Variants in AIG1 observed in about 807,000 individuals in gnomAD.
AIG1 encodes androgen induced 1.
AIG1 carries 23 observed loss-of-function variants against 31.4 expected under a neutral mutation model. That is an observed-to-expected ratio of 0.73 (90% confidence interval 0.53 to 1.04). The LOEUF (loss-of-function observed/expected upper bound fraction) is 1.04, where lower values mean the gene tolerates loss of function less well. AIG1 is among the 50% of genes least tolerant of loss of function. The probability of loss-of-function intolerance (pLI) is 0.00; values close to 1 mark genes in which losing one functional copy is unlikely to be tolerated. For synonymous variants in AIG1, 100 were observed against 110.5 expected (o/e 0.90, Z 0.60); for missense variants, 274 against 295.0 (o/e 0.93, Z 0.52).
chr6:143,301,213 C>T (rs1013907074), intron 4 of AIG1, among the ~76,000 whole-genome samples: 7 of 152,210 alleles, frequency 4.6e-5, no homozygotes, highest in African/African-American at 1.2e-4. Context: ...AATGCTGCCT[C>T]GGATTGCAAT....
intron 4 of AIG1, among the ~76,000 whole-genome samples, chr6:143,324,634 T>C (rs778494311): frequency 1.4e-4 from 22 of 152,174 alleles, no homozygotes; most frequent in Non-Finnish European, 2.4e-4. Flanking sequence ...TGTAAAATGG[T>C]ACTAATACAA....
In AIG1 at chr6:143,333,633, A is replaced by G. The variant is rs1451042760; in HGVS notation, c.679+188A>G. ...CTGACAGTTACCTGAAAGTTTTACT[A>G]GTCACTTGGTCTTGTTAGCTAGTAA... is the stretch of plus-strand genomic sequence containing the variant. On this transcript the variant is annotated intron_variant, in intron 5 of 5. Coordinates refer to ENST00000357847, the MANE Select transcript of AIG1 (RefSeq NM_016108.4). This position sits in a 1 kb window ranked among gnomAD's most constrained non-coding sequence, Gnocchi z 4.6. Among the ~76,000 whole-genome samples, 2 of 152,190 alleles carry G rather than the reference A, an allele frequency of 1.3e-5. No individual in the cohort carries two copies. Among genetic ancestry groups the G allele is most frequent in the Non-Finnish European group, 2.9e-5 (2 of 68,032 alleles).
intron 4 of AIG1, among the ~76,000 whole-genome samples, chr6:143,319,981 A>T (rs536410890): frequency 6.6e-6 from 1 of 152,214 alleles, no homozygotes; most frequent in Non-Finnish European, 1.5e-5. Flanking sequence ...TAAAGAATAA[A>T]TATCCAAAAT....
intron 1 of AIG1, among the ~76,000 whole-genome samples, chr6:143,129,554 A>G (rs1783032207): frequency 6.6e-6 from 1 of 152,320 alleles, no homozygotes; most frequent in African/African-American, 2.4e-5. Flanking sequence ...TCATTTGTAC[A>G]TACTGTTAAT....
intron 2 of AIG1, among the ~76,000 whole-genome samples, chr6:143,156,848 T>C (rs1379152003): frequency 6.6e-6 from 1 of 152,210 alleles, no homozygotes; most frequent in Non-Finnish European, 1.5e-5. Flanking sequence ...GGGTTTGGAC[T>C]GCCTTGAGGA....
At chr6:143,104,610 A>G (rs1583189364) in intron 1 of AIG1, among the ~76,000 whole-genome samples, 2 of 152,332 alleles carry the variant, frequency 1.3e-5, no homozygotes, top group South Asian at 2.1e-4. Flanking sequence ...CATAGAAACT[A>G]TAGAATACCC....
At chr6:143,171,546 A>T (rs1406889994) in intron 3 of AIG1, among the ~76,000 whole-genome samples, 2 of 134,652 alleles carry the variant, frequency 1.5e-5, no homozygotes, top group Non-Finnish European at 3.1e-5. Flanking sequence ...TATTATATAT[A>T]TATAAAATCA....
intron 1 of AIG1, among the ~76,000 whole-genome samples, chr6:143,098,284 T>A (rs1172070648): frequency 1.3e-5 from 2 of 152,196 alleles, no homozygotes; most frequent in Admixed American, 6.5e-5. Flanking sequence ...TAATTCTGAT[T>A]TTTTACTTAC....
intron 3 of AIG1, among the ~76,000 whole-genome samples, chr6:143,231,526 G>A (rs1235677471): frequency 1.3e-5 from 2 of 152,136 alleles, no homozygotes; most frequent in South Asian, 2.1e-4. Context: ...GGCTGAGGGA[G>A]CATGGGCATA....
chr6:143,149,532 C>CAAAAAAAAAAAAA (rs71767812), intron 2 of AIG1, among the ~76,000 whole-genome samples: 16 of 39,980 alleles, frequency 4.0e-4, no homozygotes, highest in African/African-American at 9.9e-4. Context: ...GACTCTGTCT[C>CAAAAAAAAAAAAA]AAAAAAAAAA....
At chr6:143,171,309 G>T (rs1787494894) in intron 3 of AIG1, among the ~76,000 whole-genome samples, 1 of 148,884 alleles carries the variant, frequency 6.7e-6, no homozygotes, top group Non-Finnish European at 1.5e-5. Context: ...TTCCATTCTC[G>T]AGTTACTTCA....
chr6:143,189,040 T>A, intron 3 of AIG1: 12 of 979,032 alleles, frequency 1.2e-5, no homozygotes, highest in East Asian at 1.1e-4. Context: ...ATTTTTAACT[T>A]TTTTTATTTT....
chr6:143,271,509 A>G (rs1796528254), intron 3 of AIG1, among the ~76,000 whole-genome samples: 1 of 152,220 alleles, frequency 6.6e-6, no homozygotes, highest in African/African-American at 2.4e-5. Context: ...ACGTTTGCCA[A>G]TCAATCAAAA....
chr6:143,315,380 A>G (rs1459330697), intron 4 of AIG1, among the ~76,000 whole-genome samples: 4 of 152,134 alleles, frequency 2.6e-5, no homozygotes, highest in Non-Finnish European at 5.9e-5. Context: ...AGTGTTGAAG[A>G]AGAACAAAGT....
intron 1 of AIG1, among the ~76,000 whole-genome samples, chr6:143,102,774 CAG>C (rs1780417811): frequency 6.6e-6 from 1 of 151,928 alleles, no homozygotes; most frequent in Admixed American, 6.6e-5. Flanking sequence ...TAGTTATGAG[CAG>C]AGACACATGT....
At chr6:143,144,090 G>C (rs1784515380) in intron 2 of AIG1, among the ~76,000 whole-genome samples, 1 of 152,154 alleles carries the variant, frequency 6.6e-6, no homozygotes, top group Admixed American at 6.5e-5. Context: ...TATTTAATTT[G>C]CACACATTTA....
At position 143,268,554 on chromosome 6, in the gene AIG1, A is replaced by G. The variant is rs192522292; in HGVS notation, c.400-15556A>G. ...TACAGGGGCTGACTATAGCACCAAA[A>G]TTAGGTGGTGGTAAGGAATTTAATC... On this transcript the variant is annotated intron_variant, in intron 3 of 5. Transcript: ENST00000357847. The surrounding 1 kb of genome is among the most constrained non-coding windows in gnomAD (Gnocchi z 5.0). 3.9e-5 allele frequency among the ~76,000 whole-genome samples: 6 copies of G among 152,310 alleles called. No individual in the cohort carries two copies. The East Asian group carries it at 9.6e-4, about 24-fold the overall frequency.
chr6:143,159,616 G>A (rs1420921848), intron 2 of AIG1, among the ~76,000 whole-genome samples: 2 of 152,182 alleles, frequency 1.3e-5, no homozygotes, highest in Non-Finnish European at 2.9e-5. Flanking sequence ...GAAACTGATT[G>A]TCCTCTGGAA....
At position 143,329,534 on chromosome 6, in the gene AIG1, G is replaced by A. The variant is rs545810683; in HGVS notation, c.516-3748G>A. ...TAAGCTCTGATTCATACAATAGTAC[G>A]ATGAGAATGCCATGCTATATCTAGA... is the stretch of plus-strand genomic sequence containing the variant. On this transcript the variant is annotated intron_variant, in intron 4 of 5. Transcript: ENST00000357847. The surrounding 1 kb of genome is among the most constrained non-coding windows in gnomAD (Gnocchi z 4.9). 3.3e-5 allele frequency among the ~76,000 whole-genome samples: 5 copies of A among 152,278 alleles called. No individual in the cohort carries two copies. Among genetic ancestry groups the A allele is most frequent in the East Asian group, 1.9e-4 (1 of 5,182 alleles).
Sources: allele counts gnomAD v4.1 joint callset (sites outside exome capture counted in the v4.1 genomes callset), GRCh38; gene constraint gnomAD v4.1.1; non-coding constraint Gnocchi (gnomAD v3.1); transcripts MANE v1.5; gene names NCBI Gene and HGNC (gene_info 2026-07-23, HGNC 2026-07-21).